Variants in PIP4P2 observed in about 807,000 individuals in gnomAD.
PIP4P2 encodes the protein phosphatidylinositol-4,5-bisphosphate 4-phosphatase 2, also known as type 2 phosphatidylinositol 4,5-bisphosphate 4-phosphatase.
In PIP4P2, 19 loss-of-function variants were observed where a neutral mutation model predicts 33.3. The ratio of observed to expected loss-of-function variants is 0.57; its 90% CI spans 0.40 to 0.84. The LOEUF (loss-of-function observed/expected upper bound fraction) is 0.84. PIP4P2 is among the 40% of genes least tolerant of loss of function. The probability of loss-of-function intolerance (pLI) is 0.00; values close to 1 mark genes in which losing one functional copy is unlikely to be tolerated. For missense variants in PIP4P2, 270 were observed against 324.7 expected, an observed-to-expected ratio of 0.83 and a Z score of 1.29; for synonymous variants, 110 against 111.9, an observed-to-expected ratio of 0.98 and a Z score of 0.11.
chr8:91,036,288 A>T (rs1031645295), intron 1 of PIP4P2, among the ~76,000 whole-genome samples: 2 of 152,102 alleles, frequency 1.3e-5, no homozygotes, highest in Non-Finnish European at 2.9e-5. Flanking sequence ...CAGAAATGGG[A>T]TCTGTAGATC....
intron 5 of PIP4P2, among the ~76,000 whole-genome samples, chr8:91,004,094 A>AC (rs1811736667): frequency 1.3e-5 from 2 of 152,162 alleles, no homozygotes; most frequent in Admixed American, 1.3e-4. Flanking sequence ...GGGGATCTGT[A>AC]AGAGTCCCTG....
At chr8:91,006,833 G>C (rs1811770998) in intron 5 of PIP4P2, among the ~76,000 whole-genome samples, 1 of 152,156 alleles carries the variant, frequency 6.6e-6, no homozygotes, top group African/African-American at 2.4e-5. Flanking sequence ...GCCAGGCGTG[G>C]TGGCGTGTGC....
chr8:91,028,130 C>T (rs1812108004), intron 1 of PIP4P2, among the ~76,000 whole-genome samples: 1 of 152,158 alleles, frequency 6.6e-6, no homozygotes, highest in Non-Finnish European at 1.5e-5. Flanking sequence ...TATTTTGAGC[C>T]ACAGGACTTT....
intron 1 of PIP4P2, among the ~76,000 whole-genome samples, chr8:91,030,886 A>C (rs1158205032): frequency 1.3e-5 from 2 of 152,168 alleles, no homozygotes; most frequent in East Asian, 1.9e-4. Flanking sequence ...CATTCTATGG[A>C]TATGACATGG....
intron 2 of PIP4P2, among the ~76,000 whole-genome samples, chr8:91,021,018 G>GT (rs1812001508): frequency 6.6e-6 from 1 of 152,140 alleles, no homozygotes; most frequent in Non-Finnish European, 1.5e-5. Flanking sequence ...GTTTTTGAAA[G>GT]TAAAAAGCCA....
intron 1 of PIP4P2, among the ~76,000 whole-genome samples, chr8:91,027,200 T>G (rs1171985968): frequency 6.6e-6 from 1 of 152,222 alleles, no homozygotes; most frequent in Non-Finnish European, 1.5e-5. Context: ...ATCAAGTTTC[T>G]CATTGAAAGT....
At chr8:91,021,077 C>T (rs1209634097) in intron 2 of PIP4P2, among the ~76,000 whole-genome samples, 179 bp downstream of exon 2, 6 of 152,152 alleles carry the variant, frequency 3.9e-5, no homozygotes, top group African/African-American at 1.4e-4. Context: ...ATGGGGTTAG[C>T]TTTAAACACA....
At chr8:91,003,952 T>G (rs1405248607) in intron 5 of PIP4P2, among the ~76,000 whole-genome samples, 7 of 57,298 alleles carry the variant, frequency 1.2e-4, no homozygotes, top group Non-Finnish European at 2.8e-4. Flanking sequence ...CAACAGGAGA[T>G]AGATAGATAG....
intron 1 of PIP4P2, among the ~76,000 whole-genome samples, chr8:91,033,646 G>A (rs570397872): frequency 1.3e-5 from 2 of 152,120 alleles, no homozygotes; most frequent in Non-Finnish European, 2.9e-5. Flanking sequence ...TTATCCTCAG[G>A]ACATAATCCC....
At chr8:91,028,176 A>G (rs556788510) in intron 1 of PIP4P2, among the ~76,000 whole-genome samples, 1 of 152,344 alleles carries the variant, frequency 6.6e-6, no homozygotes, top group South Asian at 2.1e-4. Flanking sequence ...TAGGATTGAA[A>G]TGGATGGGTT....
At chr8:91,018,590 A>G (rs1210612880) in intron 3 of PIP4P2, 77 bp from the exon 4 acceptor site, 4 of 1,591,502 alleles carry the variant, frequency 2.5e-6, no homozygotes, top group Non-Finnish European at 3.4e-6. Flanking sequence ...ATGGCCAAAA[A>G]TATGAAATGT....
rs1811609997 is a variant in PIP4P2 at position 90,995,081 on chromosome 8, C to A, written c.*596G>T. 2 of 152,404 alleles carry A rather than the reference C, an allele frequency of 1.3e-5. No individual in the cohort carries two copies. The highest frequency in any genetic ancestry group is 1.5e-5 in the Non-Finnish European group (1 of 67,922). The allele number at this position is 152,404 out of a possible 1,614,324, so 9.4% of individuals were successfully genotyped here. Reference sequence around the variant, plus strand: ...TTAAATTACTACCAAAATATTTTATCTTTCTACAAACAACAAAAAACAAGC... The same window carrying A: ...TTAAATTACTACCAAAATATTTTATATTTCTACAAACAACAAAAAACAAGC... On this transcript the variant is annotated 3_prime_UTR_variant, in exon 7 of 7. Transcript: ENST00000285419.
chr8:91,026,128 C>A (rs1355505244), intron 1 of PIP4P2, among the ~76,000 whole-genome samples: 1 of 152,126 alleles, frequency 6.6e-6, no homozygotes, highest in African/African-American at 2.4e-5. Flanking sequence ...TGTCAGCCGG[C>A]TCCAGGATAT....
At chr8:91,018,024 T>C (rs1038602749) in intron 4 of PIP4P2, among the ~76,000 whole-genome samples, 4 of 152,196 alleles carry the variant, frequency 2.6e-5, no homozygotes, top group African/African-American at 9.7e-5. Flanking sequence ...CTAGAAGCCA[T>C]GAAGCAAATC....
chr8:91,029,093 C>A (rs910763212), intron 1 of PIP4P2, among the ~76,000 whole-genome samples: 19 of 151,994 alleles, frequency 1.3e-4, no homozygotes, highest in African/African-American at 4.6e-4. Flanking sequence ...CAGTTAGAGA[C>A]CAGCTTGGCC....
chr8:91,038,707 AT>A (rs1239619448), intron 1 of PIP4P2, among the ~76,000 whole-genome samples: 1 of 152,216 alleles, frequency 6.6e-6, no homozygotes, highest in East Asian at 1.9e-4. Flanking sequence ...ATGAAGAAAA[AT>A]ATTCTGTCAA....
intron 5 of PIP4P2, among the ~76,000 whole-genome samples, chr8:90,999,167 C>G (rs1030480702): frequency 6.6e-6 from 1 of 151,988 alleles, no homozygotes; most frequent in Non-Finnish European, 1.5e-5. Flanking sequence ...AAAAGAAGCT[C>G]AACATCACTG....
chr8:91,037,257 T>G (rs1488833515), intron 1 of PIP4P2, among the ~76,000 whole-genome samples: 1 of 152,200 alleles, frequency 6.6e-6, no homozygotes, highest in Non-Finnish European at 1.5e-5. Context: ...CATTTTGCAG[T>G]GCATTTCCTA....
In PIP4P2 at chr8:91,020,137, A is replaced by C; in HGVS notation, c.362+20T>G. 5.6e-6 allele frequency: 9 copies of C among 1,607,470 alleles called. No individual in the cohort carries two copies. The highest frequency in any genetic ancestry group is 7.7e-6 in the Non-Finnish European group (9 of 1,174,338). On this transcript the variant is annotated intron_variant, in intron 3 of 6. Coordinates refer to ENST00000285419, the MANE Select transcript of PIP4P2 (RefSeq NM_018710.3). ...GAATGAACAAATGAATGAATCAATG[A>C]ATTAATCTTTATCTCTTACCAGTTG...
Sources: allele counts gnomAD v4.1 joint callset (sites outside exome capture counted in the v4.1 genomes callset), GRCh38; gene constraint gnomAD v4.1.1; transcripts MANE v1.5; gene names NCBI Gene and HGNC (gene_info 2026-07-23, HGNC 2026-07-21).